The following PTPRD variants were observed in gnomAD, a reference collection of about 807,000 sequenced individuals.
PTPRD encodes protein tyrosine phosphatase receptor type D, also known as receptor-type tyrosine-protein phosphatase delta.
Under a neutral mutation model 214.5 loss-of-function variants are expected in PTPRD, and 34 were observed. The observed-to-expected ratio is 0.16, with a 90% CI of 0.12 to 0.21. The LOEUF (loss-of-function observed/expected upper bound fraction) is 0.21, where lower values mean the gene tolerates loss of function less well. Ranked by LOEUF, PTPRD falls within the 10% of genes least tolerant of loss-of-function variation. The pLI, the probability that PTPRD is intolerant of heterozygous loss-of-function variation, is 1.00. For synonymous variants in PTPRD, 1,128 were observed against 845.7 expected, an observed-to-expected ratio of 1.33 and a Z score of -5.79; for missense variants, 2,545 against 2,398.7, an observed-to-expected ratio of 1.06 and a Z score of -1.27.
In PTPRD at chr9:8,964,509, T is replaced by G. The variant is rs1434164804; in HGVS notation, c.-104+54188A>C. 2.0e-5 allele frequency among the ~76,000 whole-genome samples: 3 copies of G among 151,980 alleles called. No individual in the cohort carries two copies. The East Asian group carries it at 5.8e-4, about 29-fold the overall frequency. Reference sequence around the variant, plus strand: ...TGTTTATCCTTTTAAAGAACCAATTTTTGGTTTCATTGATTCTTTTTATGG... The same window carrying G: ...TGTTTATCCTTTTAAAGAACCAATTGTTGGTTTCATTGATTCTTTTTATGG... On this transcript the variant is annotated intron_variant, in intron 11 of 45. Coordinates refer to ENST00000381196, the MANE Select transcript of PTPRD (RefSeq NM_002839.4).
intron 2 of PTPRD, among the ~76,000 whole-genome samples, chr9:10,518,828 A>G (rs1310218012): frequency 2.6e-5 from 4 of 151,004 alleles, no homozygotes; most frequent in African/African-American, 4.9e-5. Flanking sequence ...CACCGCGCTC[A>G]GCCTTACATT....
chr9:9,109,942 G>A (rs989634526), intron 10 of PTPRD, among the ~76,000 whole-genome samples: 1 of 151,930 alleles, frequency 6.6e-6, no homozygotes, highest in African/African-American at 2.4e-5. Flanking sequence ...GGGTCACAGG[G>A]ACAGAGGAAA....
In PTPRD at chr9:9,386,793, G is replaced by C. The variant is rs529224986; in HGVS notation, c.-203+10656C>G. On this transcript the variant is annotated intron_variant, in intron 9 of 45. Transcript: ENST00000381196. Reference sequence around the variant, plus strand: ...TAATAAAGGCAAGGAGTAGGTTATAGTTTATAGGTCTGAGGCTTCATGGAC... The same window carrying C: ...TAATAAAGGCAAGGAGTAGGTTATACTTTATAGGTCTGAGGCTTCATGGAC... 1.1e-3 allele frequency among the ~76,000 whole-genome samples: 162 copies of C among 152,182 alleles called. 3 individuals carry two copies. The highest frequency in any genetic ancestry group is 3.4e-3 in the African/African-American group (143 of 41,546).
chr9:10,585,347 T>A (rs937746083), intron 2 of PTPRD, among the ~76,000 whole-genome samples: 5 of 152,112 alleles, frequency 3.3e-5, no homozygotes, highest in African/African-American at 1.2e-4. Context: ...ATCTTATACT[T>A]CACCTTTTAC....
intron 10 of PTPRD, among the ~76,000 whole-genome samples, chr9:9,088,070 C>T (rs1321519864): frequency 6.6e-6 from 1 of 150,866 alleles, no homozygotes; most frequent in East Asian, 2.0e-4. Context: ...TTAGTAGACA[C>T]GGGGTTTCAC....
chr9:8,370,821 T>C (rs773015960), intron 39 of PTPRD, among the ~76,000 whole-genome samples: 2 of 151,950 alleles, frequency 1.3e-5, no homozygotes, highest in East Asian at 1.9e-4. Flanking sequence ...CCATGCAACA[T>C]GGGGAACATA....
intron 3 of PTPRD, among the ~76,000 whole-genome samples, chr9:10,120,202 A>C (rs1224186290): frequency 3.3e-5 from 5 of 152,096 alleles, no homozygotes; most frequent in Non-Finnish European, 5.9e-5. Context: ...GTGCAAATGA[A>C]TTACTTGCAT....
At chr9:9,237,493 G>A (rs878958534) in intron 9 of PTPRD, among the ~76,000 whole-genome samples, 4 of 152,022 alleles carry the variant, frequency 2.6e-5, no homozygotes, top group Admixed American at 6.6e-5. Flanking sequence ...TTAAAAAACC[G>A]ACATGTGCCC....
At chr9:10,209,135 T>C (rs1437768473) in intron 3 of PTPRD, among the ~76,000 whole-genome samples, 2 of 152,312 alleles carry the variant, frequency 1.3e-5, no homozygotes, top group South Asian at 4.1e-4. Context: ...TATGAAATTG[T>C]ATTGCATACA....
intron 11 of PTPRD, among the ~76,000 whole-genome samples, chr9:8,932,032 GTCC>G (rs2098956520): frequency 6.6e-6 from 1 of 152,002 alleles, no homozygotes; most frequent in Non-Finnish European, 1.5e-5. Context: ...TTTTTAGTGT[GTCC>G]ATTTGATTCT....
intron 7 of PTPRD, among the ~76,000 whole-genome samples, chr9:9,602,764 G>C (rs1006242683): frequency 6.6e-6 from 1 of 151,948 alleles, no homozygotes; most frequent in East Asian, 1.9e-4. Context: ...TTCTTTCATG[G>C]AGATGAAACT....
At chr9:10,227,680 C>T (rs2099593492) in intron 3 of PTPRD, among the ~76,000 whole-genome samples, 1 of 151,954 alleles carries the variant, frequency 6.6e-6, no homozygotes, top group Non-Finnish European at 1.5e-5. Context: ...TTCTCAGCGA[C>T]TTCAGGAAAA....
chr9:9,528,564 G>A (rs943859541), intron 8 of PTPRD, among the ~76,000 whole-genome samples: 4 of 152,058 alleles, frequency 2.6e-5, no homozygotes, highest in South Asian at 2.1e-4. Flanking sequence ...GACATATTGC[G>A]AGAATTTTCC....
intron 10 of PTPRD, among the ~76,000 whole-genome samples, chr9:9,045,075 G>C (rs1307441082): frequency 6.6e-6 from 1 of 152,144 alleles, no homozygotes. Flanking sequence ...AAACATGATT[G>C]TCATTTCCAA....
rs566447629 is a variant in PTPRD, at chr9:10,387,038, G to T, written c.-599-46021C>A. ...AAGGGGGCCATGAGTCAAGGAATGG[G>T]GGTAGCCTCCAGAAGCTGGAAATAG... is the stretch of plus-strand genomic sequence containing the variant. On this transcript the variant is annotated intron_variant, in intron 2 of 45. Transcript: ENST00000381196. Among the ~76,000 whole-genome samples, 33 of 151,758 alleles carry T rather than the reference G, an allele frequency of 2.2e-4. 1 individual carries two copies. The highest frequency in any genetic ancestry group is 8.0e-4 in the African/African-American group (33 of 41,428).
At chr9:9,653,300 C>T (rs2096416354) in intron 7 of PTPRD, among the ~76,000 whole-genome samples, 1 of 128,300 alleles carries the variant, frequency 7.8e-6, no homozygotes, top group Non-Finnish European at 1.6e-5. Flanking sequence ...CGAGATTGCG[C>T]CACTGCAGTC....
intron 2 of PTPRD, among the ~76,000 whole-genome samples, chr9:10,503,083 G>T (rs987306644): frequency 1.3e-5 from 2 of 149,554 alleles, no homozygotes; most frequent in Admixed American, 6.7e-5. Flanking sequence ...ACCACAACTC[G>T]GTCCAATACT....
intron 8 of PTPRD, among the ~76,000 whole-genome samples, chr9:9,422,389 G>A (rs1314919373): frequency 6.6e-6 from 1 of 152,106 alleles, no homozygotes; most frequent in Non-Finnish European, 1.5e-5. Flanking sequence ...CTATGATGGA[G>A]TAGCTTGTAG....
At chr9:8,331,508 A>G in intron 44 of PTPRD, 74 bp downstream of exon 44, 1 of 1,514,062 alleles carries the variant, frequency 6.6e-7, no homozygotes, top group South Asian at 1.2e-5. Context: ...AAGCAAACTT[A>G]CTACAAAAAG....
Sources: gnomAD v4.1 joint callset for allele counts (sites outside exome capture counted in the v4.1 genomes callset) on GRCh38, gnomAD v4.1.1 for gene constraint, MANE v1.5 for transcripts, NCBI Gene and HGNC (gene_info 2026-07-23, HGNC 2026-07-21) for gene names.